MYOZ1: variants seen among roughly 807,000 people sequenced by gnomAD.
MYOZ1 encodes the protein myozenin 1.
A neutral mutation model predicts 28.7 loss-of-function variants in MYOZ1; 20 were observed. The observed-to-expected ratio is 0.70, with a 90% CI of 0.49 to 1.01. The LOEUF (loss-of-function observed/expected upper bound fraction) is 1.01. Among genes scored for constraint, MYOZ1 ranks in the 50% least tolerant of loss-of-function variants. The pLI is 0.00. For synonymous variants in MYOZ1, 144 were observed against 145.8 expected, an observed-to-expected ratio of 0.99 and a Z score of 0.09; for missense variants, 371 against 372.4, an observed-to-expected ratio of 1.00 and a Z score of 0.03.
At chr10:73,637,445 G>A (rs567209969) in intron 3 of MYOZ1, among the ~76,000 whole-genome samples, 1 of 152,096 alleles carries the variant, frequency 6.6e-6, no homozygotes, top group Non-Finnish European at 1.5e-5. Context: ...CTGCCCCACT[G>A]GGCATCCTGT....
chr10:73,634,809 A>G, intron 3 of MYOZ1, 76 bp from the exon 4 acceptor site: 1 of 1,542,886 alleles, frequency 6.5e-7, no homozygotes, highest in Non-Finnish European at 8.8e-7. Flanking sequence ...ATGTTTAGCA[A>G]AGGCAGAAAT....
At chr10:73,637,014 C>CTT (rs1229338667) in intron 3 of MYOZ1, among the ~76,000 whole-genome samples, 9 of 132,636 alleles carry the variant, frequency 6.8e-5, no homozygotes, top group East Asian at 2.2e-4. Context: ...TTTTTTCTTT[C>CTT]TTTTTTTTTT....
chr10:73,641,139 T>C (rs925919560), intron 1 of MYOZ1, among the ~76,000 whole-genome samples: 1 of 152,170 alleles, frequency 6.6e-6, no homozygotes, highest in Non-Finnish European at 1.5e-5. Flanking sequence ...CTAAGTCCTG[T>C]CTCAAAAAAT....
chr10:73,638,648 T>A (rs535008829), intron 2 of MYOZ1, among the ~76,000 whole-genome samples: 30 of 137,406 alleles, frequency 2.2e-4, no homozygotes, highest in African/African-American at 8.0e-4. Flanking sequence ...TTTTATTTAT[T>A]TATTTATTTA....
Position 73,637,786 on chromosome 10 carries a change from A to G in MYOZ1, c.210T>C (p.Phe70=), listed in dbSNP as rs961193582. 6.2e-7 allele frequency: 1 copy of G among 1,614,094 alleles called. No homozygotes were observed. Among genetic ancestry groups the G allele is most frequent in the Non-Finnish European group, 8.5e-7 (1 of 1,180,016 alleles). The part of the protein sequence containing the change: ...FKLRQMRVEK[F]IYENHPDVFS... Reference sequence around the variant, plus strand: ...AAACATCAGGGTGGTTCTCATAAATAAACTTCTCCACCCTCATCTGCCGCA... The same window carrying G: ...AAACATCAGGGTGGTTCTCATAAATGAACTTCTCCACCCTCATCTGCCGCA... The change falls in exon 3 of 6, where the codon TTT becomes TTC. Residue 70 remains phenylalanine, a synonymous_variant. Transcript: ENST00000359322.
At chr10:73,639,311 C>T (rs1468827536) in intron 2 of MYOZ1, among the ~76,000 whole-genome samples, 1 of 151,892 alleles carries the variant, frequency 6.6e-6, no homozygotes, top group Admixed American at 6.6e-5. Context: ...TTTGTAGAGA[C>T]GAGGTTTTAC....
Position 73,640,287 on chromosome 10 carries a change from C to G in MYOZ1, c.-18-252G>C, listed in dbSNP as rs576913007. The stretch of plus-strand genomic sequence containing the variant: ...ACTTCAGCCTCCCAAGTAGCTGGGA[C>G]TATAGGTGCGCACCACCGTGCCTGG... On this transcript the variant is annotated intron_variant, in intron 1 of 5. Coordinates refer to ENST00000359322, the MANE Select transcript of MYOZ1 (RefSeq NM_021245.4). Among the ~76,000 whole-genome samples the G allele has an allele frequency of 1.2e-4, 19 of 152,204 alleles. No individual in the cohort carries two copies. In the South Asian group the frequency reaches 3.9e-3, roughly 32 times the overall value.
rs779337765 is a variant in MYOZ1, at chr10:73,632,055, T to G, written c.775A>C (p.Asn259His). 9 of 1,613,976 alleles carry G rather than the reference T, an allele frequency of 5.6e-6. No homozygotes were observed. The African/African-American group carries it at 1.2e-4, about 22-fold the overall frequency. The change falls in exon 6 of 6, where the codon AAC (asparagine) becomes CAC (histidine). Residue 259 changes from asparagine to histidine, a missense_variant. Transcript: ENST00000359322. ...GAAGGCCTGTTGGAGAGGTTTTGGT[T>G]GTAGAGGACCAGGGGTTCACTCAGC... ...PLLSEPLVLY[N>H]QNLSNRPSFN...
At chr10:73,640,059 T>G (rs745878132) in intron 1 of MYOZ1, 24 bp from the exon 2 acceptor site, 9 of 1,581,288 alleles carry the variant, frequency 5.7e-6, no homozygotes, top group Non-Finnish European at 6.9e-6. Context: ...GAAGGAGGAG[T>G]TGGTGGATGG....
chr10:73,640,280 G>A (rs990635430), intron 1 of MYOZ1, among the ~76,000 whole-genome samples: 4 of 152,150 alleles, frequency 2.6e-5, no homozygotes, highest in African/African-American at 9.7e-5. Context: ...CTCCCAAGTA[G>A]CTGGGACTAT....
chr10:73,635,233 CTCT>C (rs2081660708), intron 3 of MYOZ1, among the ~76,000 whole-genome samples: 1 of 151,972 alleles, frequency 6.6e-6, no homozygotes, highest in African/African-American at 2.4e-5. Context: ...CCGAATTAAA[CTCT>C]TCTTAAGAGG....
rs200349316 is a variant in MYOZ1, at chr10:73,637,010, C to CTTTTTTTTTTTTTTTTTTTTTT, written c.252+733_252+734insAAAAAAAAAAAAAAAAAAAAAA. ...TTATCTTCTTCCTTTTTTCTTTTTT[C>CTTTTTTTTTTTTTTTTTTTTTT]TTTCTTTTTTTTTTTTTTTTGAGAC... On this transcript the variant is annotated intron_variant, in intron 3 of 5. Transcript: ENST00000359322. Among the ~76,000 whole-genome samples, 4 of 137,522 alleles carry CTTTTTTTTTTTTTTTTTTTTTT rather than the reference C, an allele frequency of 2.9e-5. 1 individual carries two copies. The highest frequency in any genetic ancestry group is 2.2e-4 in the East Asian group (1 of 4,642). 90.2% of individuals were successfully genotyped at this position (137,522 alleles called of 152,430 possible). A position where few individuals can be genotyped will look rare whatever the true frequency, so the allele number is the denominator to read the frequency against.
chr10:73,635,872 G>C lies in MYOZ1; in HGVS notation c.253-1139C>G, dbSNP rs1365524685. ...GGTGACAGTGACACTGTAGCAGGTG[G>C]GGGGAAGTGTGGCCAAAAGGGCAAC... On this transcript the variant is annotated intron_variant, in intron 3 of 5. Coordinates refer to ENST00000359322, the MANE Select transcript of MYOZ1 (RefSeq NM_021245.4). 1.3e-5 allele frequency among the ~76,000 whole-genome samples: 2 copies of C among 152,114 alleles called. 1 individual carries two copies. Among genetic ancestry groups the C allele is most frequent in the Non-Finnish European group, 2.9e-5 (2 of 68,028 alleles).
chr10:73,631,937 T>A lies in MYOZ1; in HGVS notation c.893A>T (p.Glu298Val). ...IGIPLDGETE[E>V]L ...ATCAGAGGAGGAAACACCTCACAGCTCCTCTGTTTCTCCATCCAAGGGGAT... is the reference window on the plus strand; with the variant it reads ...ATCAGAGGAGGAAACACCTCACAGCACCTCTGTTTCTCCATCCAAGGGGAT... Residue 298 changes from glutamate (E) to valine (V), a missense_variant, in exon 6 of 6, where the codon GAG becomes GTG. Transcript: ENST00000359322. The A allele has an allele frequency of 6.2e-7, 1 of 1,613,668 alleles. No homozygotes were observed.
intron 5 of MYOZ1, among the ~76,000 whole-genome samples, chr10:73,632,783 C>CA (rs778322709): frequency 0.18 from 21,214 of 119,706 alleles, 3,324 homozygotes; most frequent in African/African-American, 0.44. Context: ...GACTCTGTCT[C>CA]AAAAAAAAAA....
chr10:73,634,346 T>A, intron 4 of MYOZ1, 138 bp downstream of exon 4: 1 of 1,075,726 alleles, frequency 9.3e-7, no homozygotes, highest in Non-Finnish European at 1.3e-6. Context: ...ATTTATGATA[T>A]TTAAACTGAT....
At chr10:73,634,782 T>C (rs1464721584) in intron 3 of MYOZ1, 49 bp from the exon 4 acceptor site, 2 of 1,585,494 alleles carry the variant, frequency 1.3e-6, no homozygotes, top group Non-Finnish European at 1.7e-6. Flanking sequence ...GTATGGAAAA[T>C]ATACAAAAAC....
intron 3 of MYOZ1, 43 bp downstream of exon 3, chr10:73,637,701 A>T: frequency 6.4e-7 from 1 of 1,562,716 alleles, no homozygotes; most frequent in Non-Finnish European, 8.7e-7. Context: ...AGCTGTCAGA[A>T]CAGGCACCAG....
chr10:73,634,555 G>T lies in MYOZ1; in HGVS notation c.431C>A (p.Thr144Lys). 6.2e-7 allele frequency: 1 copy of T among 1,614,070 alleles called. No homozygotes were observed. Residue 144 changes from threonine (T) to lysine (K), a missense_variant, in exon 4 of 6, where the codon ACA becomes AAA. By Grantham distance (78) the Thr-to-Lys change is moderately conservative. Transcript: ENST00000359322. Reference sequence around the variant, plus strand: ...GCCAGCCTGGCCCGCGGGACCACCTGTACCCCCAGCTCCAGACCCAGAGCC... The same window carrying T: ...GCCAGCCTGGCCCGCGGGACCACCTTTACCCCCAGCTCCAGACCCAGAGCC... ...HLGSGSGAGG[T>K]GGPAGQAGRG...
Sources: allele counts gnomAD v4.1 joint callset (sites outside exome capture counted in the v4.1 genomes callset), GRCh38; gene constraint gnomAD v4.1.1; transcripts MANE v1.5; gene names NCBI Gene and HGNC (gene_info 2026-07-23, HGNC 2026-07-21).